STK39: variants seen among roughly 807,000 people sequenced by gnomAD.
STK39 encodes the protein serine/threonine kinase 39, also known as STE20/SPS1-related proline-alanine-rich protein kinase.
Under a neutral mutation model 77.8 loss-of-function variants are expected in STK39, and 20 were observed. The observed-to-expected ratio is 0.26, with a 90% CI of 0.18 to 0.37. The LOEUF is 0.37. Ranked by LOEUF, STK39 falls within the 10% of genes least tolerant of loss-of-function variation. STK39 has a pLI of 1.00. For missense variants in STK39, 479 were observed against 656.5 expected (o/e 0.73, Z 2.95); for synonymous variants, 246 against 234.1 (o/e 1.05, Z -0.47).
rs199579733 is a variant in STK39 at position 168,140,273 on chromosome 2, T to A, written c.840+16A>T. On this transcript the variant is annotated intron_variant, in intron 7 of 17. Coordinates refer to ENST00000355999, the MANE Select transcript of STK39 (RefSeq NM_013233.3). ...TCACATTTCAACCCCGATGTAGTAT[T>A]TCCAATTGTAATTACTTTCATGGGA... The A allele has an allele frequency of 4.0e-4, 632 of 1,595,802 alleles. No individual in the cohort carries two copies. The highest frequency in any genetic ancestry group is 1.8e-3 in the Middle Eastern group (11 of 6,028).
In STK39 at chr2:168,037,516, T is replaced by A. The variant is rs145745468; in HGVS notation, c.1377-20421A>T. On this transcript the variant is annotated intron_variant, in intron 14 of 17. Transcript: ENST00000355999. Reference sequence around the variant, plus strand: ...TATAAGACCAGTTTTTAGGTCATTGTTTATGGTGGCGAAAATCTGGAACCA... The same window carrying A: ...TATAAGACCAGTTTTTAGGTCATTGATTATGGTGGCGAAAATCTGGAACCA... Among the ~76,000 whole-genome samples, 4 of 152,280 alleles carry A rather than the reference T, an allele frequency of 2.6e-5. No individual in the cohort carries two copies. The East Asian group carries it at 7.7e-4, about 29-fold the overall frequency.
intron 17 of STK39, among the ~76,000 whole-genome samples, chr2:167,959,404 C>T (rs1166451278): frequency 3.3e-5 from 5 of 151,822 alleles, no homozygotes; most frequent in East Asian, 1.9e-4. Flanking sequence ...GGATTACTGG[C>T]GTGAGCCACC....
chr2:167,963,935 C>T (rs1437293147), intron 17 of STK39, among the ~76,000 whole-genome samples: 1 of 152,266 alleles, frequency 6.6e-6, no homozygotes, highest in East Asian at 1.9e-4. Context: ...AATTAACTTA[C>T]GATTTTTAAA....
chr2:168,190,237 C>T (rs193117301), intron 1 of STK39, among the ~76,000 whole-genome samples: 2 of 152,274 alleles, frequency 1.3e-5, no homozygotes, highest in Admixed American at 6.5e-5. Context: ...GGAAGACACC[C>T]GCAGACAAGG....
At chr2:168,222,410 C>T (rs541934127) in intron 1 of STK39, among the ~76,000 whole-genome samples, 5 of 152,272 alleles carry the variant, frequency 3.3e-5, no homozygotes, top group East Asian at 1.9e-4. Context: ...GAAGAAAGAA[C>T]GAGAGGAGTA....
intron 1 of STK39, among the ~76,000 whole-genome samples, chr2:168,193,864 T>C (rs563326577): frequency 1.3e-5 from 2 of 152,290 alleles, no homozygotes; most frequent in Non-Finnish European, 2.9e-5. Context: ...TTTCAGTTGC[T>C]ACCACAGAGG....
At chr2:167,999,563 G>A (rs558619529) in intron 16 of STK39, among the ~76,000 whole-genome samples, 7 of 152,136 alleles carry the variant, frequency 4.6e-5, no homozygotes, top group East Asian at 1.9e-4. Flanking sequence ...CTGGGTTCAC[G>A]CCATTCTCCT....
intron 2 of STK39, among the ~76,000 whole-genome samples, chr2:168,168,907 C>T (rs915783116): frequency 1.3e-5 from 2 of 152,044 alleles, no homozygotes; most frequent in Non-Finnish European, 2.9e-5. Context: ...CACTCAAACC[C>T]GGGAAGTGGA....
chr2:167,962,912 T>C (rs1278600264), intron 17 of STK39, among the ~76,000 whole-genome samples: 1 of 152,036 alleles, frequency 6.6e-6, no homozygotes, highest in Admixed American at 6.6e-5. Context: ...GAGCCCGAGG[T>C]TCCCGAGATG....
intron 10 of STK39, among the ~76,000 whole-genome samples, chr2:168,109,427 TG>T (rs1182930890): frequency 3.9e-5 from 6 of 152,362 alleles, no homozygotes; most frequent in Admixed American, 3.3e-4. Flanking sequence ...TCATTTTCGC[TG>T]CTGTATGATA....
chr2:168,095,862 G>C (rs2105441821), intron 10 of STK39, among the ~76,000 whole-genome samples: 1 of 152,038 alleles, frequency 6.6e-6, no homozygotes, highest in African/African-American at 2.4e-5. Flanking sequence ...ACTATGCTTT[G>C]CTTTTCTTTT....
intron 1 of STK39, among the ~76,000 whole-genome samples, chr2:168,208,193 C>T (rs913454126): frequency 6.6e-5 from 10 of 152,180 alleles, no homozygotes; most frequent in African/African-American, 2.2e-4. Context: ...CTCTCCTAAT[C>T]CCATTGAGAT....
At chr2:168,070,112 A>C (rs1350168715) in intron 12 of STK39, among the ~76,000 whole-genome samples, 2 of 152,188 alleles carry the variant, frequency 1.3e-5, no homozygotes, top group Non-Finnish European at 2.9e-5. Flanking sequence ...AGTTTTATAT[A>C]ACCTAAGACG....
At chr2:167,982,012 A>G (rs1026336324) in intron 16 of STK39, among the ~76,000 whole-genome samples, 1 of 152,208 alleles carries the variant, frequency 6.6e-6, no homozygotes, top group African/African-American at 2.4e-5. Flanking sequence ...ACTGGCTAGT[A>G]GAGCTGAGAC....
chr2:168,115,745 T>C (rs1687241877), intron 10 of STK39, among the ~76,000 whole-genome samples: 1 of 152,124 alleles, frequency 6.6e-6, no homozygotes, highest in Non-Finnish European at 1.5e-5. Context: ...GAGAAATGAC[T>C]CTTTGAGCTG....
At chr2:168,123,039 G>T (rs1395389458) in intron 10 of STK39, among the ~76,000 whole-genome samples, 2 of 152,194 alleles carry the variant, frequency 1.3e-5, no homozygotes, top group African/African-American at 2.4e-5. Context: ...AATACCATGT[G>T]CCTCTTAATA....
chr2:168,010,977 G>C (rs191407695), intron 16 of STK39, among the ~76,000 whole-genome samples: 95 of 152,216 alleles, frequency 6.2e-4, no homozygotes, highest in African/African-American at 2.2e-3. Context: ...GACTTATTTT[G>C]AATAAGTTAT....
At position 168,181,978 on chromosome 2, in the gene STK39, T is replaced by C. The variant is rs1689092671; in HGVS notation, c.321A>G (p.Leu107=). ...EKCQTSMDEL[L]KEIQAMSQCS... is the part of the protein sequence containing the mutation. ...AGGTATTCCCTGCACTGTTACTTAC[T>C]AATAGTTCATCCATACTGGTCTGGC... Residue 107 remains leucine (L), a splice_region_variant and synonymous_variant, in exon 2 of 18, where the codon TTA becomes TTG. Transcript: ENST00000355999. The C allele has an allele frequency of 6.2e-7, 1 of 1,613,164 alleles. No homozygotes were observed. Among genetic ancestry groups the C allele is most frequent in the Non-Finnish European group, 8.5e-7 (1 of 1,179,322 alleles).
Position 168,017,424 on chromosome 2 carries a change from G to C in STK39, c.1377-329C>G, listed in dbSNP as rs972508930. ...TTTGAGACAGAGTTTCGCTCTTGTT[G>C]TCCAGGCTGGAGTGCGATGGTGTGA... On this transcript the variant is annotated intron_variant, in intron 14 of 17. Coordinates refer to ENST00000355999, the MANE Select transcript of STK39 (RefSeq NM_013233.3). Among the ~76,000 whole-genome samples, 3 of 98,870 alleles carry C rather than the reference G, an allele frequency of 3.0e-5. No individual in the cohort carries two copies. The Admixed American group carries it at 4.3e-4, about 14-fold the overall frequency. The allele number at this position is 98,870 out of a possible 152,430, so 64.9% of individuals were successfully genotyped here. A position where few individuals can be genotyped will look rare whatever the true frequency, so the allele number is the denominator to read the frequency against.
Sources: allele counts gnomAD v4.1 joint callset (sites outside exome capture counted in the v4.1 genomes callset), GRCh38; gene constraint gnomAD v4.1.1; transcripts MANE v1.5; gene names NCBI Gene and HGNC (gene_info 2026-07-23, HGNC 2026-07-21).